The following CADPS variants were observed in gnomAD, a reference collection of about 807,000 sequenced individuals.
The protein encoded by CADPS is calcium-dependent secretion activator 1.
A neutral mutation model predicts 167.3 loss-of-function variants in CADPS; 57 were observed. The ratio of observed to expected loss-of-function variants is 0.34; its 90% CI spans 0.28 to 0.42. The LOEUF is 0.42. CADPS is among the 20% of genes least tolerant of loss of function. The pLI is 1.00. For missense variants in CADPS, 1,414 were observed against 1,738.1 expected (o/e 0.81, Z 3.32); for synonymous variants, 676 against 635.3 (o/e 1.06, Z -0.96).
rs2055626828 is a variant in CADPS at position 62,438,555 on chromosome 3, G to A, written c.3670-344C>T. 9.5e-6 allele frequency: 2 copies of A among 211,364 alleles called. No individual in the cohort carries two copies. Among genetic ancestry groups the A allele is most frequent in the Non-Finnish European group, 1.9e-5 (2 of 106,280 alleles). 13.1% of individuals were successfully genotyped at this position (211,364 alleles called of 1,614,324 possible). A position where few individuals can be genotyped will look rare whatever the true frequency, so the allele number is the denominator to read the frequency against. ...CTGACTTTGCCTTGGATTGAAACCT[G>A]CATTAAAGAATATCCAAACATACTG... On this transcript the variant is annotated intron_variant, in intron 27 of 29. Transcript: ENST00000383710. This position sits in a 1 kb window ranked among gnomAD's most constrained non-coding sequence, Gnocchi z 4.7.
In CADPS at chr3:62,602,355, C is replaced by A. The variant is rs1460145427; in HGVS notation, c.1326-9607G>T. 6.6e-6 allele frequency among the ~76,000 whole-genome samples: 1 copy of A among 152,056 alleles called. No homozygotes were observed. The highest frequency in any genetic ancestry group is 2.4e-5 in the African/African-American group (1 of 41,412). ...CTCGGAGACTGGATTTGCATTTATT[C>A]AAGGTATACGGCTCATGTGAACTGG... is the stretch of plus-strand genomic sequence containing the variant. On this transcript the variant is annotated intron_variant, in intron 6 of 29. Coordinates refer to ENST00000383710, the MANE Select transcript of CADPS (RefSeq NM_003716.4). The surrounding 1 kb of genome is among the most constrained non-coding windows in gnomAD (Gnocchi z 4.4).
At chr3:62,480,730 A>G (rs1333930538) in intron 22 of CADPS, among the ~76,000 whole-genome samples, 1 of 152,192 alleles carries the variant, frequency 6.6e-6, no homozygotes. Flanking sequence ...TATTCTTTCA[A>G]GAAAAAGCTT....
chr3:62,635,447 C>A (rs144646463), intron 6 of CADPS, among the ~76,000 whole-genome samples: 8 of 152,266 alleles, frequency 5.3e-5, no homozygotes, highest in African/African-American at 1.7e-4. Context: ...AAAAACAACA[C>A]CCTGTCATTA....
intron 3 of CADPS, among the ~76,000 whole-genome samples, chr3:62,687,157 G>C (rs1213234638): frequency 2.0e-5 from 3 of 152,124 alleles, no homozygotes; most frequent in African/African-American, 7.2e-5. Context: ...TGTTTGCTTA[G>C]ATCAGGGTTG....
chr3:62,690,632 C>T (rs2078929607), intron 3 of CADPS, among the ~76,000 whole-genome samples: 1 of 151,792 alleles, frequency 6.6e-6, no homozygotes, highest in Non-Finnish European at 1.5e-5. Context: ...GCTTGGTACC[C>T]ACCAACCTTG....
rs369730930 is a variant in CADPS, at chr3:62,478,465, T to G, written c.3174-49A>C. On this transcript the variant is annotated intron_variant, in intron 22 of 29. Transcript: ENST00000383710. The surrounding 1 kb of genome is among the most constrained non-coding windows in gnomAD (Gnocchi z 5.7). ...TGAGAGTCACCCACTGGCCTCAGGC[T>G]CTACAAAAACTAACACAGAGACAAC... The G allele has an allele frequency of 6.4e-7, 1 of 1,563,850 alleles. No homozygotes were observed. Among genetic ancestry groups the G allele is most frequent in the Non-Finnish European group, 8.7e-7 (1 of 1,149,492 alleles).
intron 4 of CADPS, 107 bp from the exon 5 acceptor site, chr3:62,651,187 G>T: frequency 1.3e-6 from 1 of 745,746 alleles, no homozygotes; most frequent in Non-Finnish European, 2.2e-6. Flanking sequence ...TACTACTAGT[G>T]AAATTCACCC....
At chr3:62,524,973 A>G (rs564928804) in intron 13 of CADPS, among the ~76,000 whole-genome samples, 6 of 152,314 alleles carry the variant, frequency 3.9e-5, no homozygotes, top group African/African-American at 1.2e-4. Context: ...GACACCATAT[A>G]CAAAATTCTG....
chr3:62,628,511 C>G (rs2064565703), intron 6 of CADPS, among the ~76,000 whole-genome samples: 3 of 152,086 alleles, frequency 2.0e-5, no homozygotes, highest in Admixed American at 6.6e-5. Flanking sequence ...TTGCAACTGT[C>G]TGGTTGCTCA....
In CADPS at chr3:62,720,321, T is replaced by TTTTG. The variant is rs922664448; in HGVS notation, c.888+33116_888+33119dup. On this transcript the variant is annotated intron_variant, in intron 3 of 29. Transcript: ENST00000383710. ...AATGGTATCAGGGGGGCATTTTTGC[T>TTTTG]TTTGTTTGTTTGTTTGTTTGTTTTT... Among the ~76,000 whole-genome samples, 4 of 146,664 alleles carry TTTTG rather than the reference T, an allele frequency of 2.7e-5. No individual in the cohort carries two copies. The East Asian group carries it at 7.8e-4, about 28-fold the overall frequency.
chr3:62,701,027 T>C (rs1048406103), intron 3 of CADPS, among the ~76,000 whole-genome samples: 4 of 152,186 alleles, frequency 2.6e-5, no homozygotes, highest in African/African-American at 7.2e-5. Flanking sequence ...CTCTCTGCTC[T>C]CTGGGGTCTC....
At chr3:62,452,365 C>T (rs2058169074) in intron 26 of CADPS, among the ~76,000 whole-genome samples, 1 of 143,966 alleles carries the variant, frequency 6.9e-6, no homozygotes, top group South Asian at 2.3e-4. Flanking sequence ...AAGTAACATT[C>T]AACTTTTTAG....
intron 14 of CADPS, among the ~76,000 whole-genome samples, chr3:62,517,719 G>T (rs977600595): frequency 6.6e-6 from 1 of 152,084 alleles, no homozygotes; most frequent in Non-Finnish European, 1.5e-5. Context: ...CTGATGCAAG[G>T]TTCATTCTTT....
chr3:62,632,588 C>T (rs914551349), intron 6 of CADPS, among the ~76,000 whole-genome samples: 6 of 152,192 alleles, frequency 3.9e-5, no homozygotes, highest in South Asian at 4.2e-4. Flanking sequence ...AAGTACCCAA[C>T]ACTGACATTA....
At chr3:62,735,667 T>G (rs1468310376) in intron 3 of CADPS, among the ~76,000 whole-genome samples, 2 of 152,122 alleles carry the variant, frequency 1.3e-5, no homozygotes, top group African/African-American at 4.8e-5. Context: ...TGTAAAGAAA[T>G]GCGGTCATGT....
At chr3:62,534,298 G>A (rs754533002) in intron 12 of CADPS, among the ~76,000 whole-genome samples, 2 of 152,134 alleles carry the variant, frequency 1.3e-5, no homozygotes, top group Non-Finnish European at 2.9e-5. Context: ...AGTGACTAGG[G>A]GGCAGGTAGA....
intron 10 of CADPS, among the ~76,000 whole-genome samples, chr3:62,555,523 C>T (rs1478139526): frequency 6.6e-6 from 1 of 152,184 alleles, no homozygotes; most frequent in East Asian, 1.9e-4. Flanking sequence ...AAACAATAGC[C>T]TTTGATATCT....
chr3:62,478,377 A>C lies in CADPS; in HGVS notation c.3213T>G (p.Leu1071=). The change falls in exon 23 of 30, where the codon CTT becomes CTG. Residue 1071 remains leucine (L), a synonymous_variant. Coordinates refer to ENST00000383710, the MANE Select transcript of CADPS (RefSeq NM_003716.4). This position sits in a 1 kb window ranked among gnomAD's most constrained non-coding sequence, Gnocchi z 5.7. ...CCCGAATGAAGGTCTGAAGGGCGTC[A>C]AGTTTCCAAAACAGATCTTCTGAGG... ...SGTSEDLFWK[L]DALQTFIRDL... 2 of 1,613,832 alleles carry C rather than the reference A, an allele frequency of 1.2e-6. No homozygotes were observed. The highest frequency in any genetic ancestry group is 8.5e-7 in the Non-Finnish European group (1 of 1,179,816).
chr3:62,530,718 C>G (rs761312836), intron 13 of CADPS: 6 of 1,288,678 alleles, frequency 4.7e-6, no homozygotes, highest in African/African-American at 3.0e-5. Context: ...TTTTTGGTAT[C>G]TTTTTTAGCT....
Sources: allele counts gnomAD v4.1 joint callset (sites outside exome capture counted in the v4.1 genomes callset), GRCh38; gene constraint gnomAD v4.1.1; non-coding constraint Gnocchi (gnomAD v3.1); transcripts MANE v1.5; gene names NCBI Gene and HGNC (gene_info 2026-07-23, HGNC 2026-07-21).